The following FGF14 variants were observed in gnomAD, a reference collection of about 807,000 sequenced individuals.
FGF14 encodes the protein fibroblast growth factor homologous factor 4.
FGF14 carries 5 observed loss-of-function variants against 25.5 expected under a neutral mutation model. That is an observed-to-expected ratio of 0.20 (90% CI 0.10 to 0.41). FGF14 has a LOEUF of 0.41. Among genes scored for constraint, FGF14 ranks in the 10% least tolerant of loss-of-function variants. FGF14 has a pLI of 1.00. For synonymous variants in FGF14, 138 were observed against 118.3 expected, an observed-to-expected ratio of 1.17 and a Z score of -1.08; for missense variants, 222 against 320.1, an observed-to-expected ratio of 0.69 and a Z score of 2.34.
At chr13:101,866,651 A>G (rs185165276) in intron 3 of FGF14, among the ~76,000 whole-genome samples, 1 of 152,318 alleles carries the variant, frequency 6.6e-6, no homozygotes, top group African/African-American at 2.4e-5. Flanking sequence ...CTATTTTAGT[A>G]GGCTCTCAGT....
chr13:102,374,217 T>C (rs1012064526), intron 1 of FGF14, among the ~76,000 whole-genome samples: 33 of 152,128 alleles, frequency 2.2e-4, no homozygotes, highest in Admixed American at 2.1e-3. Context: ...ATGCTGCTAT[T>C]ATTTACACTT....
chr13:102,391,566 T>C (rs1057059175), intron 1 of FGF14, among the ~76,000 whole-genome samples: 2 of 152,222 alleles, frequency 1.3e-5, no homozygotes. Context: ...TAAAAGTATT[T>C]CCAATATTTA....
At chr13:101,984,914 A>G (rs963117579) in intron 1 of FGF14, among the ~76,000 whole-genome samples, 8 of 152,166 alleles carry the variant, frequency 5.3e-5, no homozygotes, top group African/African-American at 1.9e-4. Flanking sequence ...ATTCTTAAAA[A>G]TCTAATTTTT....
At chr13:101,783,565 A>G (rs538344394) in intron 3 of FGF14, among the ~76,000 whole-genome samples, 1 of 151,592 alleles carries the variant, frequency 6.6e-6, no homozygotes, top group South Asian at 2.1e-4. Flanking sequence ...TATAGCTGCT[A>G]GATATTAGAC....
chr13:102,018,359 CT>C (rs1566577506), intron 1 of FGF14, among the ~76,000 whole-genome samples: 1 of 152,188 alleles, frequency 6.6e-6, no homozygotes, highest in South Asian at 2.1e-4. Context: ...TGTGAGTTTT[CT>C]TTTTTCTCAG....
At chr13:101,755,901 G>A (rs2037615664) in intron 3 of FGF14, among the ~76,000 whole-genome samples, 1 of 152,138 alleles carries the variant, frequency 6.6e-6, no homozygotes, top group Non-Finnish European at 1.5e-5. Context: ...GTTTTAAAAT[G>A]GGAGTTTTTT....
At chr13:101,953,155 TA>T (rs2036282242) in intron 1 of FGF14, among the ~76,000 whole-genome samples, 2 of 152,244 alleles carry the variant, frequency 1.3e-5, no homozygotes, top group Non-Finnish European at 2.9e-5. Flanking sequence ...ACAGTTGTTC[TA>T]TGTCATTTTG....
At chr13:102,044,226 C>A (rs2041874426) in intron 1 of FGF14, among the ~76,000 whole-genome samples, 1 of 152,154 alleles carries the variant, frequency 6.6e-6, no homozygotes, top group Non-Finnish European at 1.5e-5. Context: ...GAGGTACTTT[C>A]CAAATGAATC....
intron 1 of FGF14, among the ~76,000 whole-genome samples, chr13:102,240,317 G>T (rs2051532897): frequency 6.6e-6 from 1 of 152,046 alleles, no homozygotes; most frequent in African/African-American, 2.4e-5. Context: ...TGTTATCTTT[G>T]CTACTCCCTG....
intron 3 of FGF14, among the ~76,000 whole-genome samples, chr13:101,850,504 A>ATATATATGC (rs2035880020): frequency 4.7e-4 from 1 of 2,144 alleles, no homozygotes; most frequent in African/African-American, 1.1e-3. Flanking sequence ...ATATATATAT[A>ATATATATGC]TATATATATA....
Position 102,340,551 on chromosome 13 carries a change from CTT to C in FGF14, c.208+60918_208+60919del, listed in dbSNP as rs934867074. Among the ~76,000 whole-genome samples, 155 of 152,200 alleles carry C rather than the reference CTT, an allele frequency of 1.0e-3. 1 individual carries two copies. Among genetic ancestry groups the C allele is most frequent in the African/African-American group, 3.5e-3 (147 of 41,516 alleles). On this transcript the variant is annotated intron_variant, in intron 1 of 4. Transcript: ENST00000376131. ...AACCTTGTGATACATCCCAAAATAT[CTT>C]TTACCATCAGAGATTAGCTCATCAG...
At chr13:102,075,666 G>C (rs2043330155) in intron 1 of FGF14, among the ~76,000 whole-genome samples, 1 of 152,110 alleles carries the variant, frequency 6.6e-6, no homozygotes, top group African/African-American at 2.4e-5. Flanking sequence ...AACTATAATA[G>C]ACAAGTTAAC....
intron 1 of FGF14, among the ~76,000 whole-genome samples, chr13:102,219,557 T>C (rs1250688806): frequency 6.6e-6 from 1 of 152,194 alleles, no homozygotes; most frequent in African/African-American, 2.4e-5. Context: ...GAAAAAGTAA[T>C]ATGCTTCAGG....
Position 101,840,770 on chromosome 13 carries a change from C to A in FGF14, c.408+27955G>T, listed in dbSNP as rs193176333. ...CTAAAATGGCATGCTTTTTTCTTAT[C>A]ATAATCTTAACTATTCAAACCTATT... On this transcript the variant is annotated intron_variant, in intron 3 of 4. Coordinates refer to ENST00000376143, the MANE Select transcript of FGF14 (RefSeq NM_004115.4). 1.3e-3 allele frequency among the ~76,000 whole-genome samples: 200 copies of A among 152,052 alleles called. 1 individual carries two copies. The highest frequency in any genetic ancestry group is 2.6e-3 in the Non-Finnish European group (175 of 67,910).
intron 3 of FGF14, among the ~76,000 whole-genome samples, chr13:101,772,487 T>C (rs1221596898): frequency 6.6e-6 from 1 of 152,118 alleles, no homozygotes; most frequent in Non-Finnish European, 1.5e-5. Context: ...CTCTTTATTT[T>C]CTTTTCTCTC....
intron 1 of FGF14, among the ~76,000 whole-genome samples, chr13:101,932,025 T>G (rs1180523675): frequency 6.6e-6 from 1 of 152,210 alleles, no homozygotes; most frequent in African/African-American, 2.4e-5. Flanking sequence ...ATTAAGATAT[T>G]ATATAAATGA....
intron 1 of FGF14, among the ~76,000 whole-genome samples, chr13:101,977,835 T>C (rs1372444256): frequency 6.6e-6 from 1 of 152,126 alleles, no homozygotes; most frequent in African/African-American, 2.4e-5. Flanking sequence ...TATAAGTCCA[T>C]TTGAATTTGG....
chr13:101,901,529 CTCTG>C (rs2031551793), intron 1 of FGF14, among the ~76,000 whole-genome samples: 1 of 152,092 alleles, frequency 6.6e-6, no homozygotes, highest in South Asian at 2.1e-4. Context: ...CATGGTGAAA[CTCTG>C]TCTGTACTAA....
intron 1 of FGF14, among the ~76,000 whole-genome samples, chr13:102,275,541 A>G (rs2141183018): frequency 6.6e-6 from 1 of 152,302 alleles, no homozygotes; most frequent in Non-Finnish European, 1.5e-5. Flanking sequence ...CCAAGTATTC[A>G]GCCATAAAGG....
Sources: gnomAD v4.1 joint callset for allele counts (sites outside exome capture counted in the v4.1 genomes callset) on GRCh38, gnomAD v4.1.1 for gene constraint, MANE v1.5 for transcripts, NCBI Gene and HGNC (gene_info 2026-07-23, HGNC 2026-07-21) for gene names.